The following VCL variants were observed in gnomAD, a reference collection of about 807,000 sequenced individuals.
The protein encoded by VCL is epididymis luminal protein 114.
Under a neutral mutation model 125.7 loss-of-function variants are expected in VCL, and 47 were observed. That is an observed-to-expected ratio of 0.37 (90% CI 0.30 to 0.48). VCL has a LOEUF of 0.48. Among genes scored for constraint, VCL ranks in the 20% least tolerant of loss-of-function variants. VCL has a pLI of 0.99. For missense variants in VCL, 1,069 were observed against 1,455.5 expected (o/e 0.73, Z 4.32); for synonymous variants, 458 against 514.6 (o/e 0.89, Z 1.49).
intron 8 of VCL, among the ~76,000 whole-genome samples, chr10:74,086,401 T>C (rs1162376813): frequency 6.6e-6 from 1 of 152,240 alleles, no homozygotes; most frequent in Non-Finnish European, 1.5e-5. Context: ...TGTGATCCCA[T>C]TGAGTTCAGT....
intron 1 of VCL, among the ~76,000 whole-genome samples, chr10:74,029,550 CAT>C (rs1840835901): frequency 6.6e-6 from 1 of 152,150 alleles, no homozygotes; most frequent in African/African-American, 2.4e-5. Context: ...GACTGAGTCT[CAT>C]ATTGGGTTAG....
chr10:74,010,149 T>C (rs995246605), intron 1 of VCL, among the ~76,000 whole-genome samples: 2 of 151,978 alleles, frequency 1.3e-5, no homozygotes, highest in African/African-American at 2.4e-5. Flanking sequence ...GGTCTCAAAC[T>C]CCTGACTTCA....
intron 2 of VCL, among the ~76,000 whole-genome samples, chr10:74,065,757 T>A (rs987329648): frequency 1.3e-5 from 2 of 151,940 alleles, no homozygotes; most frequent in East Asian, 3.8e-4. Flanking sequence ...GATTGGCATA[T>A]TAAAAGTTCA....
chr10:74,094,260 T>G lies in VCL; in HGVS notation c.1353-11T>G, dbSNP rs1307706067. ...TTATGTGTGACAGGATGGCTGTCTT[T>G]TTCTCTGTAGGGGGAAAGGAGATTC... On this transcript the variant is annotated splice_polypyrimidine_tract_variant and intron_variant, in intron 10 of 21. Coordinates refer to ENST00000211998, the MANE Select transcript of VCL (RefSeq NM_014000.3). 9.3e-6 allele frequency: 15 copies of G among 1,613,952 alleles called. No individual in the cohort carries two copies. The highest frequency in any genetic ancestry group is 1.7e-5 in the Admixed American group (1 of 59,996).
intron 2 of VCL, among the ~76,000 whole-genome samples, chr10:74,066,239 A>C (rs1591683986): frequency 6.6e-6 from 1 of 151,732 alleles, no homozygotes; most frequent in East Asian, 1.9e-4. Context: ...TTGTATTTTT[A>C]ATACAGACAG....
At chr10:74,117,970 G>C (rs1159266156) in intron 21 of VCL, 53 bp from the exon 22 acceptor site, 16 of 1,612,046 alleles carry the variant, frequency 9.9e-6, no homozygotes, top group Middle Eastern at 2.1e-4. Flanking sequence ...CTATTTTAGA[G>C]ACAGGCCTGC....
chr10:74,092,409 T>C (rs1271677290), intron 10 of VCL, among the ~76,000 whole-genome samples: 1 of 152,230 alleles, frequency 6.6e-6, no homozygotes, highest in Admixed American at 6.5e-5. Context: ...TCTGTGTTGA[T>C]ACTTGGTTGA....
At chr10:74,080,339 G>T (rs1430431602) in intron 6 of VCL, among the ~76,000 whole-genome samples, 1 of 152,086 alleles carries the variant, frequency 6.6e-6, no homozygotes, top group Non-Finnish European at 1.5e-5. Flanking sequence ...CATTTGATAA[G>T]CAATGAGGTT....
chr10:74,080,725 A>G (rs1839661964), intron 6 of VCL, among the ~76,000 whole-genome samples: 1 of 152,222 alleles, frequency 6.6e-6, no homozygotes, highest in African/African-American at 2.4e-5. Context: ...ATTCTCCAGG[A>G]TGTCCACACA....
intron 6 of VCL, 50 bp from the exon 7 acceptor site, chr10:74,082,404 G>A: frequency 6.3e-7 from 1 of 1,592,156 alleles, no homozygotes; most frequent in Non-Finnish European, 8.6e-7. Flanking sequence ...GTTCTATCAT[G>A]GTATCTCAAC....
At chr10:74,106,627 G>T (rs968518139) in intron 16 of VCL, among the ~76,000 whole-genome samples, 1 of 152,194 alleles carries the variant, frequency 6.6e-6, no homozygotes, top group Admixed American at 6.5e-5. Context: ...GGAAGGAGGG[G>T]CTCCCCTATT....
At chr10:74,088,741 C>A (rs1246706459) in intron 8 of VCL, among the ~76,000 whole-genome samples, 1 of 152,184 alleles carries the variant, frequency 6.6e-6, no homozygotes, top group African/African-American at 2.4e-5. Flanking sequence ...GTCTGGTACA[C>A]TTTCATTAAC....
chr10:73,998,615 G>A (rs1840162875), intron 1 of VCL, among the ~76,000 whole-genome samples: 1 of 152,242 alleles, frequency 6.6e-6, no homozygotes, highest in Non-Finnish European at 1.5e-5. Flanking sequence ...AGGCTGCCTT[G>A]CGGGCTTGTC....
At chr10:74,103,720 T>C in intron 14 of VCL, 100 bp from the exon 15 acceptor site, 1 of 1,138,540 alleles carries the variant, frequency 8.8e-7, no homozygotes, top group East Asian at 2.4e-5. Flanking sequence ...TTTCTGGCTT[T>C]ACAGTGCCAT....
At chr10:74,052,104 G>T (rs1841309656) in intron 2 of VCL, among the ~76,000 whole-genome samples, 1 of 152,168 alleles carries the variant, frequency 6.6e-6, no homozygotes, top group African/African-American at 2.4e-5. Context: ...ATGGAAAGGG[G>T]CAGTAACGTC....
chr10:74,018,936 G>A (rs2136232238), intron 1 of VCL, among the ~76,000 whole-genome samples: 1 of 152,216 alleles, frequency 6.6e-6, no homozygotes, highest in East Asian at 1.9e-4. Flanking sequence ...ATACTGTCTT[G>A]TCCTGTTTCT....
At chr10:74,073,457 A>C (rs1016107969) in intron 5 of VCL, among the ~76,000 whole-genome samples, 1 of 151,898 alleles carries the variant, frequency 6.6e-6, no homozygotes, top group African/African-American at 2.4e-5. Context: ...TGGGAGGTGG[A>C]CTCTCCTCTA....
At chr10:74,067,872 G>A (rs12253805) in intron 2 of VCL, among the ~76,000 whole-genome samples, 6,657 of 152,220 alleles carry the variant, frequency 0.044, 476 homozygotes, top group African/African-American at 0.15. Flanking sequence ...AGTATTGCGT[G>A]TTTTACTGAG....
intron 1 of VCL, among the ~76,000 whole-genome samples, chr10:74,001,810 G>A (rs1382771308): frequency 1.3e-5 from 2 of 152,034 alleles, no homozygotes; most frequent in African/African-American, 4.8e-5. Flanking sequence ...ACTTTGGGAG[G>A]TTATATCCTT....
Sources: gnomAD v4.1 joint callset for allele counts (sites outside exome capture counted in the v4.1 genomes callset) on GRCh38, gnomAD v4.1.1 for gene constraint, MANE v1.5 for transcripts, NCBI Gene and HGNC (gene_info 2026-07-23, HGNC 2026-07-21) for gene names.